DDR2: variants seen among roughly 807,000 people sequenced by gnomAD.
DDR2 encodes discoidin domain receptor tyrosine kinase 2.
A neutral mutation model predicts 94.9 loss-of-function variants in DDR2; 27 were observed. That is an observed-to-expected ratio of 0.28 (90% CI 0.21 to 0.39). The LOEUF (loss-of-function observed/expected upper bound fraction) is 0.39. DDR2 is among the 10% of genes least tolerant of loss of function. The pLI is 1.00. For synonymous variants in DDR2, 382 were observed against 377.2 expected (o/e 1.01, Z -0.15); for missense variants, 783 against 1,076.0 (o/e 0.73, Z 3.81).
At chr1:162,751,824 A>G (rs1663216124) in intron 3 of DDR2, among the ~76,000 whole-genome samples, 1 of 152,256 alleles carries the variant, frequency 6.6e-6, no homozygotes. Flanking sequence ...GCCATAAAAA[A>G]GGATGAGTTC....
intron 10 of DDR2, among the ~76,000 whole-genome samples, 182 bp from the exon 11 acceptor site, chr1:162,767,047 T>A (rs1295159219): frequency 1.4e-4 from 9 of 63,734 alleles, no homozygotes; most frequent in East Asian, 4.8e-4. Flanking sequence ...AAAAAAGTAA[T>A]AAAACAGTAG....
chr1:162,644,786 G>C (rs906664660), intron 1 of DDR2, among the ~76,000 whole-genome samples: 1 of 151,996 alleles, frequency 6.6e-6, no homozygotes, highest in Admixed American at 6.6e-5. Context: ...AGCAGACAGG[G>C]GGTTTCACTC....
chr1:162,661,779 G>A (rs915683189), intron 2 of DDR2, among the ~76,000 whole-genome samples: 65 of 152,188 alleles, frequency 4.3e-4, no homozygotes, highest in African/African-American at 1.5e-3. Context: ...TTTCAGAGGA[G>A]GTGGGTGTAG....
intron 14 of DDR2, among the ~76,000 whole-genome samples, chr1:162,774,975 A>T (rs577654162): frequency 6.6e-6 from 1 of 152,286 alleles, no homozygotes; most frequent in South Asian, 2.1e-4. Flanking sequence ...AGGCCTCACT[A>T]ACAAAATCTT....
At chr1:162,688,156 A>G (rs1659780184) in intron 2 of DDR2, among the ~76,000 whole-genome samples, 1 of 152,242 alleles carries the variant, frequency 6.6e-6, no homozygotes, top group Non-Finnish European at 1.5e-5. Context: ...GCGTGCATTA[A>G]GAATGTAGCA....
chr1:162,747,653 C>T (rs1218524717), intron 3 of DDR2, among the ~76,000 whole-genome samples: 2 of 152,102 alleles, frequency 1.3e-5, no homozygotes, highest in African/African-American at 2.4e-5. Flanking sequence ...CAGAGAACGC[C>T]ACAAAGATAC....
At chr1:162,663,599 G>A (rs183695379) in intron 2 of DDR2, among the ~76,000 whole-genome samples, 2 of 152,270 alleles carry the variant, frequency 1.3e-5, no homozygotes, top group Admixed American at 1.3e-4. Context: ...GAAGTTGAGG[G>A]TGGAGAGTCT....
intron 2 of DDR2, among the ~76,000 whole-genome samples, chr1:162,669,205 C>T (rs2101934104): frequency 6.6e-6 from 1 of 152,242 alleles, no homozygotes; most frequent in East Asian, 1.9e-4. Flanking sequence ...TTATTCTTCT[C>T]AATGTAAGCA....
intron 2 of DDR2, among the ~76,000 whole-genome samples, chr1:162,698,777 A>G (rs1210910820): frequency 6.6e-6 from 1 of 152,166 alleles, no homozygotes; most frequent in East Asian, 1.9e-4. Context: ...ACTATGCAGC[A>G]GTCTGAGGGG....
chr1:162,666,343 G>T (rs755343203), intron 2 of DDR2, among the ~76,000 whole-genome samples: 8 of 152,172 alleles, frequency 5.3e-5, no homozygotes, highest in Non-Finnish European at 8.8e-5. Flanking sequence ...GACCAAGTAT[G>T]GTGCTAAACA....
rs768898970 is a variant in DDR2, at chr1:162,776,380, C to T, written c.2283+10C>T. ...GGAGAGTATCTTGCTGGTAAGTTCT[C>T]AGCATTTTAAAGCCCTGTCTAACAA... is the stretch of plus-strand genomic sequence containing the variant. On this transcript the variant is annotated intron_variant, in intron 16 of 17. Transcript: ENST00000367921. 3.7e-6 allele frequency: 6 copies of T among 1,613,882 alleles called. No individual in the cohort carries two copies. The East Asian group carries it at 1.1e-4, about 30-fold the overall frequency.
intron 2 of DDR2, among the ~76,000 whole-genome samples, chr1:162,662,073 C>A (rs1228952042): frequency 6.6e-6 from 1 of 152,090 alleles, no homozygotes; most frequent in African/African-American, 2.4e-5. Flanking sequence ...TCTTGGAAGC[C>A]CTCCTGGAAT....
In DDR2 at chr1:162,766,069, T is replaced by A. The variant is rs1337479409; in HGVS notation, c.1162+6T>A. 1 of 1,613,838 alleles carries A rather than the reference T, an allele frequency of 6.2e-7. No individual in the cohort carries two copies. Among genetic ancestry groups the A allele is most frequent in the Non-Finnish European group, 8.5e-7 (1 of 1,179,856 alleles). On this transcript the variant is annotated splice_donor_region_variant and intron_variant, in intron 10 of 17. Coordinates refer to ENST00000367921, the MANE Select transcript of DDR2 (RefSeq NM_006182.4). ...TATGGCACCCACAACCTATGGTATA[T>A]GTGATTCCTAATTACACAAATTAAT...
At chr1:162,665,387 T>C (rs1466755600) in intron 2 of DDR2, among the ~76,000 whole-genome samples, 2 of 152,250 alleles carry the variant, frequency 1.3e-5, no homozygotes, top group South Asian at 2.1e-4. Flanking sequence ...TGAACCTTGT[T>C]CCCTCATGGC....
chr1:162,712,815 G>A (rs1334081355), intron 2 of DDR2, among the ~76,000 whole-genome samples: 2 of 152,166 alleles, frequency 1.3e-5, no homozygotes, highest in Non-Finnish European at 2.9e-5. Context: ...GGCGAACTGG[G>A]ATCCAGTTCT....
intron 2 of DDR2, among the ~76,000 whole-genome samples, chr1:162,661,914 G>A (rs940340031): frequency 6.6e-5 from 10 of 152,120 alleles, no homozygotes; most frequent in African/African-American, 2.4e-4. Flanking sequence ...TTTTCCCTTT[G>A]TCTGCATAGT....
upstream of DDR2, chr1:162,632,348 G>T (rs1417002014): frequency 6.6e-6 from 1 of 152,116 alleles, no homozygotes; most frequent in Non-Finnish European, 1.5e-5. Flanking sequence ...GCTCTGATTG[G>T]TGACTTTCCT....
intron 3 of DDR2, among the ~76,000 whole-genome samples, chr1:162,729,220 C>T (rs1266638751): frequency 6.7e-6 from 1 of 149,350 alleles, no homozygotes; most frequent in Admixed American, 6.7e-5. Context: ...CAGTCCTGAA[C>T]TCTGGCCACC....
At chr1:162,672,735 C>A (rs1227800727) in intron 2 of DDR2, among the ~76,000 whole-genome samples, 1 of 152,152 alleles carries the variant, frequency 6.6e-6, no homozygotes, top group African/African-American at 2.4e-5. Flanking sequence ...CAGAGAACAG[C>A]TTTCTATCAC....
Sources: gnomAD v4.1 joint callset for allele counts (sites outside exome capture counted in the v4.1 genomes callset) on GRCh38, gnomAD v4.1.1 for gene constraint, MANE v1.5 for transcripts, NCBI Gene and HGNC (gene_info 2026-07-23, HGNC 2026-07-21) for gene names.